Variants in CPA6 observed in about 807,000 individuals in gnomAD.
CPA6 encodes the protein carboxypeptidase B.
CPA6 carries 58 observed loss-of-function variants against 63.3 expected under a neutral mutation model. The ratio of observed to expected loss-of-function variants is 0.92; its 90% confidence interval spans 0.74 to 1.14. The LOEUF (loss-of-function observed/expected upper bound fraction) is 1.14, where lower values mean the gene tolerates loss of function less well. Ranked by LOEUF, CPA6 falls within the 50% of genes most tolerant of loss-of-function variation. The probability of loss-of-function intolerance (pLI) is 0.00; values close to 1 mark genes in which losing one functional copy is unlikely to be tolerated. For missense variants in CPA6, 565 were observed against 526.6 expected (o/e 1.07, Z -0.71); for synonymous variants, 185 against 179.0 (o/e 1.03, Z -0.27).
chr8:67,563,707 T>A lies in CPA6; in HGVS notation c.193-45660A>T, dbSNP rs1342986651. ...TGTATAGCCTTAAAATCTCACTCCT[T>A]TCCCCTAGGAAGGCCACTTCCCTCC... On this transcript the variant is annotated intron_variant, in intron 2 of 10. Coordinates refer to ENST00000297770, the MANE Select transcript of CPA6 (RefSeq NM_020361.5). 3.9e-5 allele frequency among the ~76,000 whole-genome samples: 6 copies of A among 152,290 alleles called. No homozygotes were observed. The East Asian group carries it at 9.6e-4, about 24-fold the overall frequency.
At chr8:67,596,531 C>CA (rs1420294030) in intron 2 of CPA6, among the ~76,000 whole-genome samples, 1 of 142,018 alleles carries the variant, frequency 7.0e-6, no homozygotes. Flanking sequence ...GAATTTATTT[C>CA]TTTTTTTTTT....
At position 67,607,250 on chromosome 8, in the gene CPA6, T is replaced by TTCTTCTTCTTCC. The variant is rs1564021543; in HGVS notation, c.192+16925_192+16926insGGAAGAAGAAGA. ...CTTCTTCTTCTTCTTCTTCTTCTTCTTCTCCTCCTCCTCCTTTCTTCTTTC... is the reference window on the plus strand; with the variant it reads ...CTTCTTCTTCTTCTTCTTCTTCTTCTTCTTCTTCTTCCTCTCCTCCTCCTCCTTTCTTCTTTC... On this transcript the variant is annotated intron_variant, in intron 2 of 10. Coordinates refer to ENST00000297770, the MANE Select transcript of CPA6 (RefSeq NM_020361.5). Among the ~76,000 whole-genome samples the TTCTTCTTCTTCC allele has an allele frequency of 1.7e-4, 22 of 131,824 alleles. 2 individuals carry two copies. The highest frequency in any genetic ancestry group is 4.8e-5 in the Non-Finnish European group (3 of 62,220). 86.5% of individuals were successfully genotyped at this position (131,824 alleles called of 152,430 possible). A position where few individuals can be genotyped will look rare whatever the true frequency, so the allele number is the denominator to read the frequency against.
rs148766885 is a variant in CPA6 at position 67,676,455 on chromosome 8, G to A, written c.117-52204C>T. Among the ~76,000 whole-genome samples the A allele has an allele frequency of 2.3e-3, 343 of 152,280 alleles. 4 individuals carry two copies. Among genetic ancestry groups the A allele is most frequent in the Middle Eastern group, 6.8e-3 (2 of 294 alleles). On this transcript the variant is annotated intron_variant, in intron 1 of 10. Coordinates refer to ENST00000297770, the MANE Select transcript of CPA6 (RefSeq NM_020361.5). ...TTGGACATGTCAGATATTATTTTAT[G>A]TTTTAAGCTGATGATAGTAACTCTG... is the stretch of plus-strand genomic sequence containing the variant.
At chr8:67,542,740 A>G (rs1270433923) in intron 2 of CPA6, among the ~76,000 whole-genome samples, 3 of 152,218 alleles carry the variant, frequency 2.0e-5, no homozygotes, top group Non-Finnish European at 2.9e-5. Flanking sequence ...TGATGCAGTA[A>G]AGCCAAGCAA....
At chr8:67,679,723 A>G (rs1054395569) in intron 1 of CPA6, among the ~76,000 whole-genome samples, 12 of 152,186 alleles carry the variant, frequency 7.9e-5, no homozygotes, top group Non-Finnish European at 1.8e-4. Context: ...TCACCAAGTT[A>G]AACAGCATGC....
Position 67,718,750 on chromosome 8 carries a change from G to T in CPA6, c.116+27264C>A, listed in dbSNP as rs542237046. On this transcript the variant is annotated intron_variant, in intron 1 of 10. Coordinates refer to ENST00000297770, the MANE Select transcript of CPA6 (RefSeq NM_020361.5). Reference sequence around the variant, plus strand: ...CAAACTCCAACTCCCAGGTTCAAGTGATTCTCCTCCCTCAGCCTCCTGAGT... The same window carrying T: ...CAAACTCCAACTCCCAGGTTCAAGTTATTCTCCTCCCTCAGCCTCCTGAGT... Among the ~76,000 whole-genome samples the T allele has an allele frequency of 6.6e-5, 10 of 151,752 alleles. No homozygotes were observed. The South Asian group carries it at 1.9e-3, about 29-fold the overall frequency.
At chr8:67,644,702 G>A (rs944748285) in intron 1 of CPA6, among the ~76,000 whole-genome samples, 3 of 152,186 alleles carry the variant, frequency 2.0e-5, no homozygotes, top group South Asian at 2.1e-4. Flanking sequence ...CAGTGAAGAA[G>A]GGGACAGACT....
At chr8:67,560,719 A>T (rs1813188567) in intron 2 of CPA6, among the ~76,000 whole-genome samples, 1 of 152,090 alleles carries the variant, frequency 6.6e-6, no homozygotes, top group African/African-American at 2.4e-5. Context: ...CCTATGTGGG[A>T]TACCAGCTGA....
At chr8:67,722,175 G>C (rs1228555591) in intron 1 of CPA6, among the ~76,000 whole-genome samples, 5 of 152,144 alleles carry the variant, frequency 3.3e-5, no homozygotes, top group African/African-American at 1.2e-4. Context: ...TGTTAAATTT[G>C]TCTAAGGTTT....
At chr8:67,565,319 G>A (rs1172705991) in intron 2 of CPA6, among the ~76,000 whole-genome samples, 2 of 152,028 alleles carry the variant, frequency 1.3e-5, no homozygotes, top group East Asian at 1.9e-4. Context: ...ATAATGGGAC[G>A]CAGAAAAACA....
intron 1 of CPA6, among the ~76,000 whole-genome samples, chr8:67,658,329 G>T (rs895112764): frequency 6.6e-6 from 1 of 152,168 alleles, no homozygotes; most frequent in East Asian, 1.9e-4. Flanking sequence ...TAGGTCAGGG[G>T]TTAGTTCTTG....
At chr8:67,614,552 G>C (rs1023091992) in intron 2 of CPA6, among the ~76,000 whole-genome samples, 4 of 152,192 alleles carry the variant, frequency 2.6e-5, no homozygotes, top group Non-Finnish European at 4.4e-5. Flanking sequence ...TGAAACTGGT[G>C]CAGACCAGAG....
At position 67,422,774 on chromosome 8, in the gene CPA6, C is replaced by T. The variant is rs10091944; in HGVS notation, c.1127-83G>A. ...CTAAATGTATATACTATAAAGTATC[C>T]GCTTATTAAGCTTTACTAAATCCTT... is the stretch of plus-strand genomic sequence containing the variant. On this transcript the variant is annotated intron_variant, in intron 10 of 10. Coordinates refer to ENST00000297770, the MANE Select transcript of CPA6 (RefSeq NM_020361.5). The T allele has an allele frequency of 9.2e-3, 9,215 of 1,006,226 alleles. 572 individuals are homozygous for T. The African/African-American group carries it at 0.13, about 15-fold the overall frequency. 62.3% of individuals were successfully genotyped at this position (1,006,226 alleles called of 1,614,324 possible).
chr8:67,422,244 T>G lies in CPA6; in HGVS notation c.*260A>C, dbSNP rs531558365. On this transcript the variant is annotated 3_prime_UTR_variant, in exon 11 of 11. Transcript: ENST00000297770. ...GAACATTTCTTGAGAAATGGGAAAT[T>G]TGAAAACATTCCCTCCCACCATAAT... is the stretch of plus-strand genomic sequence containing the variant. 2.5e-5 allele frequency: 8 copies of G among 322,516 alleles called. No individual in the cohort carries two copies. Among genetic ancestry groups the G allele is most frequent in the Non-Finnish European group, 4.5e-5 (8 of 178,206 alleles). 20.0% of individuals were successfully genotyped at this position (322,516 alleles called of 1,614,324 possible).
intron 6 of CPA6, among the ~76,000 whole-genome samples, chr8:67,498,514 T>C (rs554631968): frequency 2.5e-3 from 303 of 120,000 alleles, no homozygotes; most frequent in African/African-American, 9.2e-3. Context: ...CCAACCTGGG[T>C]GACAGAGCGA....
intron 6 of CPA6, among the ~76,000 whole-genome samples, chr8:67,490,024 T>C (rs535072959): frequency 3.2e-4 from 48 of 152,284 alleles, no homozygotes; most frequent in African/African-American, 1.1e-3. Flanking sequence ...TTTGTGATTT[T>C]TGTAACTTTC....
At chr8:67,447,013 T>C (rs183593032) in intron 8 of CPA6, among the ~76,000 whole-genome samples, 76 of 148,502 alleles carry the variant, frequency 5.1e-4, no homozygotes, top group African/African-American at 1.2e-3. Context: ...TATATATATA[T>C]ACACACACAC....
intron 2 of CPA6, among the ~76,000 whole-genome samples, chr8:67,568,251 A>G (rs1813392329): frequency 6.6e-6 from 1 of 152,220 alleles, no homozygotes. Flanking sequence ...ACAAAGATTT[A>G]GGAAATCATG....
At position 67,422,700 on chromosome 8, in the gene CPA6, T is replaced by TA; in HGVS notation, c.1127-10dup. 30 of 1,576,778 alleles carry TA rather than the reference T, an allele frequency of 1.9e-5. No individual in the cohort carries two copies. The Admixed American group carries it at 2.3e-4, about 12-fold the overall frequency. ...GCTACCAGAGCTCACATCTAAAAGT[T>TA]AAAACAAAAAAAAAAAGATCAGCCT... On this transcript the variant is annotated splice_polypyrimidine_tract_variant and intron_variant, in intron 10 of 10. Transcript: ENST00000297770.
Sources: gnomAD v4.1 joint callset for allele counts (sites outside exome capture counted in the v4.1 genomes callset) on GRCh38, gnomAD v4.1.1 for gene constraint, MANE v1.5 for transcripts, NCBI Gene and HGNC (gene_info 2026-07-23, HGNC 2026-07-21) for gene names.